ASIC2: variants seen among roughly 807,000 people sequenced by gnomAD.
The protein encoded by ASIC2 is acid sensing ion channel subunit 2, also known as acid-sensing ion channel 2.
Under a neutral mutation model 57.3 loss-of-function variants are expected in ASIC2, and 25 were observed. The observed-to-expected ratio is 0.44, with a 90% confidence interval of 0.32 to 0.61. ASIC2 has a LOEUF of 0.61. Among genes scored for constraint, ASIC2 ranks in the 20% least tolerant of loss-of-function variants. The pLI is 0.06. For synonymous variants in ASIC2, 319 were observed against 307.5 expected (o/e 1.04, Z -0.39); for missense variants, 641 against 738.1 (o/e 0.87, Z 1.52).
chr17:33,037,891 A>G (rs2091915674), intron 3 of ASIC2, among the ~76,000 whole-genome samples: 1 of 152,220 alleles, frequency 6.6e-6, no homozygotes. Flanking sequence ...GGGCTGTTCA[A>G]GTAGAAACTA....
chr17:33,716,763 T>C (rs558905648), intron 1 of ASIC2, among the ~76,000 whole-genome samples: 5 of 152,342 alleles, frequency 3.3e-5, no homozygotes, highest in African/African-American at 1.2e-4. Flanking sequence ...TCAGAATGAT[T>C]ATCTATATGT....
intron 1 of ASIC2, among the ~76,000 whole-genome samples, chr17:34,123,099 C>T (rs1049971694): frequency 3.3e-5 from 5 of 152,168 alleles, no homozygotes; most frequent in African/African-American, 1.2e-4. Context: ...TGTCGGAAGA[C>T]AAGTCTTGCC....
intron 3 of ASIC2, among the ~76,000 whole-genome samples, chr17:33,053,507 G>A (rs1264505964): frequency 6.6e-6 from 1 of 152,150 alleles, no homozygotes; most frequent in African/African-American, 2.4e-5. Context: ...ATTTTCCCAA[G>A]TCAATGTAAG....
intron 3 of ASIC2, among the ~76,000 whole-genome samples, chr17:33,051,861 G>A (rs1238174177): frequency 1.3e-5 from 2 of 152,194 alleles, no homozygotes; most frequent in Non-Finnish European, 2.9e-5. Context: ...CCAACCTTGG[G>A]TCAGGGCAGA....
At chr17:33,506,915 A>T (rs1914281883) in intron 1 of ASIC2, among the ~76,000 whole-genome samples, 1 of 152,194 alleles carries the variant, frequency 6.6e-6, no homozygotes, top group South Asian at 2.1e-4. Flanking sequence ...CAGCTGGACT[A>T]AACATGGTCT....
At chr17:33,789,501 C>CAT (rs1555561527) in intron 1 of ASIC2, among the ~76,000 whole-genome samples, 18 of 151,202 alleles carry the variant, frequency 1.2e-4, no homozygotes, top group African/African-American at 4.4e-4. Flanking sequence ...CACACACACA[C>CAT]ACGTGCAGCA....
intron 1 of ASIC2, among the ~76,000 whole-genome samples, chr17:33,414,869 C>G (rs1415053621): frequency 6.6e-6 from 1 of 152,216 alleles, no homozygotes; most frequent in African/African-American, 2.4e-5. Flanking sequence ...TCCCCTGACC[C>G]CGCTTCTCCA....
chr17:33,997,831 T>G (rs1055548890), intron 1 of ASIC2, among the ~76,000 whole-genome samples: 5 of 152,130 alleles, frequency 3.3e-5, no homozygotes, highest in Admixed American at 3.3e-4. Flanking sequence ...TGGTCTGTGA[T>G]TTTCCTTTCT....
At chr17:33,436,758 C>T (rs185760717) in intron 1 of ASIC2, among the ~76,000 whole-genome samples, 19 of 149,520 alleles carry the variant, frequency 1.3e-4, no homozygotes, top group African/African-American at 4.4e-4. Flanking sequence ...ATTTTCTGTA[C>T]GAGGGTGATA....
intron 3 of ASIC2, among the ~76,000 whole-genome samples, chr17:33,058,900 A>G (rs1007315417): frequency 2.6e-5 from 4 of 152,200 alleles, no homozygotes; most frequent in African/African-American, 7.2e-5. Flanking sequence ...GTTCAACAAT[A>G]GAGAGATGAT....
intron 1 of ASIC2, among the ~76,000 whole-genome samples, chr17:33,210,637 T>C (rs1319723672): frequency 6.6e-6 from 1 of 152,220 alleles, no homozygotes; most frequent in African/African-American, 2.4e-5. Flanking sequence ...TTTCAAGTCC[T>C]GGCTGAGTGA....
intron 1 of ASIC2, among the ~76,000 whole-genome samples, chr17:33,579,521 T>C (rs1205995860): frequency 6.6e-6 from 1 of 152,086 alleles, no homozygotes; most frequent in African/African-American, 2.4e-5. Context: ...CTCCTCCTGG[T>C]GGGTTCTCGG....
intron 1 of ASIC2, among the ~76,000 whole-genome samples, chr17:33,390,398 A>T (rs1174448103): frequency 6.6e-6 from 1 of 152,024 alleles, no homozygotes; most frequent in Non-Finnish European, 1.5e-5. Context: ...GTGCAGCTCA[A>T]TTGTTTTGTT....
intron 1 of ASIC2, among the ~76,000 whole-genome samples, chr17:33,910,064 G>T (rs75013857): frequency 1.3e-5 from 2 of 152,114 alleles, no homozygotes; most frequent in Admixed American, 6.5e-5. Context: ...GTGAATACCC[G>T]TGCAGTGCTA....
At chr17:33,106,004 ACAGG>A (rs1279101226) in intron 2 of ASIC2, among the ~76,000 whole-genome samples, 1 of 152,222 alleles carries the variant, frequency 6.6e-6, no homozygotes, top group Non-Finnish European at 1.5e-5. Flanking sequence ...GCAATTTTAA[ACAGG>A]GTAGTCAGGG....
chr17:33,378,629 C>T (rs186606166), intron 1 of ASIC2, among the ~76,000 whole-genome samples: 234 of 152,342 alleles, frequency 1.5e-3, no homozygotes, highest in African/African-American at 2.6e-3. Flanking sequence ...AATTAGATTA[C>T]GCAGCAGGCT....
chr17:33,989,494 G>A (rs1454405204), intron 1 of ASIC2, among the ~76,000 whole-genome samples: 1 of 150,454 alleles, frequency 6.6e-6, no homozygotes, highest in Non-Finnish European at 1.5e-5. Flanking sequence ...TTGGTATCAG[G>A]CTAAGGAGGC....
chr17:33,680,091 G>A (rs1041745417), intron 1 of ASIC2, among the ~76,000 whole-genome samples: 6 of 152,132 alleles, frequency 3.9e-5, no homozygotes, highest in African/African-American at 1.2e-4. Flanking sequence ...GGCTGGTGGT[G>A]TACCCCCTTG....
intron 1 of ASIC2, among the ~76,000 whole-genome samples, chr17:33,176,900 A>G (rs1174273919): frequency 6.6e-6 from 1 of 152,172 alleles, no homozygotes; most frequent in Non-Finnish European, 1.5e-5. Context: ...GCTCTTCCAG[A>G]AGGTACAGGG....
Sources: gnomAD v4.1 joint callset for allele counts (sites outside exome capture counted in the v4.1 genomes callset) on GRCh38, gnomAD v4.1.1 for gene constraint, MANE v1.5 for transcripts, NCBI Gene and HGNC (gene_info 2026-07-23, HGNC 2026-07-21) for gene names.